PCDHGA2: variants seen among roughly 807,000 people sequenced by gnomAD.
PCDHGA2 encodes protocadherin gamma subfamily A, 2.
In PCDHGA2, 40 loss-of-function variants were observed where a neutral mutation model predicts 59.2. The ratio of observed to expected loss-of-function variants is 0.68; its 90% CI spans 0.52 to 0.88. The LOEUF is 0.88. PCDHGA2 is among the 40% of genes least tolerant of loss of function. The pLI, the probability that PCDHGA2 is intolerant of heterozygous loss-of-function variation, is 0.00. For synonymous variants in PCDHGA2, 560 were observed against 526.0 expected (o/e 1.06, Z -0.89); for missense variants, 1,226 against 1,204.0 (o/e 1.02, Z -0.27).
chr5:141,427,139 T>C (rs1430333586), intron 1 of PCDHGA2: 2 of 456,952 alleles, frequency 4.4e-6, no homozygotes, highest in East Asian at 1.4e-4. Context: ...TACGAGATGA[T>C]ATTGGAAATA....
Position 141,338,926 on chromosome 5 carries a change from A to G in PCDHGA2, c.-46A>G, listed in dbSNP as rs1383846472. On this transcript the variant is annotated 5_prime_UTR_variant, in exon 1 of 4. Coordinates refer to ENST00000394576, the MANE Select transcript of PCDHGA2 (RefSeq NM_018915.4). The stretch of plus-strand genomic sequence containing the variant: ...CTGAGGAATAAAGATTGGAATCCGC[A>G]CTGGATGCTGGAAGTTGACTCGGAG... 2.0e-6 allele frequency: 3 copies of G among 1,519,686 alleles called. No homozygotes were observed. Among genetic ancestry groups the G allele is most frequent in the African/African-American group, 2.8e-5 (2 of 71,804 alleles). 94.1% of individuals were successfully genotyped at this position (1,519,686 alleles called of 1,614,324 possible).
intron 1 of PCDHGA2, chr5:141,399,809 C>A (rs547922730): frequency 1.2e-6 from 2 of 1,613,222 alleles, no homozygotes; most frequent in Admixed American, 1.7e-5. Flanking sequence ...GTGCTGTACC[C>A]CGCGCTGGGT....
rs376494807 is a variant in PCDHGA2 at position 141,491,836 on chromosome 5, G to A, written c.2425-2971G>A. 4.2e-5 allele frequency: 62 copies of A among 1,472,880 alleles called. No homozygotes were observed. The highest frequency in any genetic ancestry group is 3.6e-4 in the Middle Eastern group (2 of 5,606). 91.2% of individuals were successfully genotyped at this position (1,472,880 alleles called of 1,614,324 possible). A position where few individuals can be genotyped will look rare whatever the true frequency, so the allele number is the denominator to read the frequency against. On this transcript the variant is annotated intron_variant, in intron 1 of 3. Coordinates refer to ENST00000394576, the MANE Select transcript of PCDHGA2 (RefSeq NM_018915.4). This position sits in a 1 kb window ranked among gnomAD's most constrained non-coding sequence, Gnocchi z 6.9. ...CTGGCTGCGCTCCACCCGATTCTCG[G>A]GATCATTGGACCGTTTGCGCGAAAC...
intron 1 of PCDHGA2, chr5:141,343,756 G>A (rs1177741741): frequency 5.6e-6 from 2 of 354,372 alleles, no homozygotes; most frequent in African/African-American, 2.1e-5. Flanking sequence ...CTGAGAGGAT[G>A]CAGTAAACGG....
At chr5:141,434,698 A>G (rs2097710714) in intron 1 of PCDHGA2, among the ~76,000 whole-genome samples, 1 of 152,070 alleles carries the variant, frequency 6.6e-6, no homozygotes, top group South Asian at 2.1e-4. Context: ...GTTAATAAAT[A>G]TGTGGGTAAA....
At chr5:141,423,034 G>A (rs769232324) in intron 1 of PCDHGA2, 1 of 1,614,200 alleles carries the variant, frequency 6.2e-7, no homozygotes, top group Non-Finnish European at 8.5e-7. Context: ...AGGCCAGAAC[G>A]CCTGGCTGTC....
chr5:141,508,599 G>T lies in PCDHGA2; in HGVS notation c.2573-2348G>T, dbSNP rs948748985. On this transcript the variant is annotated intron_variant, in intron 3 of 3. Coordinates refer to ENST00000394576, the MANE Select transcript of PCDHGA2 (RefSeq NM_018915.4). ...CTCGGGGTGCTACTCAGAGATCTTGGGTGCACATAGGACGTGGGTGGGCCG... is the reference window on the plus strand; with the variant it reads ...CTCGGGGTGCTACTCAGAGATCTTGTGTGCACATAGGACGTGGGTGGGCCG... Among the ~76,000 whole-genome samples the T allele has an allele frequency of 3.9e-5, 6 of 152,212 alleles. No individual in the cohort carries two copies. The South Asian group carries it at 1.2e-3, about 32-fold the overall frequency.
At chr5:141,435,103 G>A (rs1468698388) in intron 1 of PCDHGA2, among the ~76,000 whole-genome samples, 2 of 151,914 alleles carry the variant, frequency 1.3e-5, no homozygotes, top group African/African-American at 2.4e-5. Flanking sequence ...TTTATCTAGG[G>A]GGGAGAAATC....
rs1554123924 is a variant in PCDHGA2, at chr5:141,431,826, T to C, written c.2425-62981T>C. 1 of 1,614,220 alleles carries C rather than the reference T, an allele frequency of 6.2e-7. No homozygotes were observed. The highest frequency in any genetic ancestry group is 8.5e-7 in the Non-Finnish European group (1 of 1,180,050). The stretch of plus-strand genomic sequence containing the variant: ...GTCCTCACCTCTCTCGCCAGCTCGG[T>C]TCCCGAAAACTCTCCCAGAGGGACA... On this transcript the variant is annotated intron_variant, in intron 1 of 3. Coordinates refer to ENST00000394576, the MANE Select transcript of PCDHGA2 (RefSeq NM_018915.4). This position sits in a 1 kb window ranked among gnomAD's most constrained non-coding sequence, Gnocchi z 4.8.
rs757755103 is a variant in PCDHGA2 at position 141,432,638 on chromosome 5, C to T, written c.2425-62169C>T. 1.2e-6 allele frequency: 2 copies of T among 1,613,810 alleles called. No homozygotes were observed. Among genetic ancestry groups the T allele is most frequent in the Non-Finnish European group, 8.5e-7 (1 of 1,179,930 alleles). ...GGTGGGTCTGCACACGGGCGAGGTG[C>T]GCACGGCGCGAGCCCTGCTGGACAG... is the stretch of plus-strand genomic sequence containing the variant. On this transcript the variant is annotated intron_variant, in intron 1 of 3. Transcript: ENST00000394576. The surrounding 1 kb of genome is among the most constrained non-coding windows in gnomAD (Gnocchi z 6.0).
chr5:141,370,484 C>T (rs750551260), intron 1 of PCDHGA2: 2 of 1,613,746 alleles, frequency 1.2e-6, no homozygotes, highest in African/African-American at 2.7e-5. Flanking sequence ...AGGCTCTCTC[C>T]GAACCGATCC....
At chr5:141,374,754 G>C (rs1770811216) in intron 1 of PCDHGA2, 6 of 1,612,936 alleles carry the variant, frequency 3.7e-6, no homozygotes, top group Non-Finnish European at 4.2e-6. Context: ...GTCCGCTCAA[G>C]CGTCGCCCAA....
intron 1 of PCDHGA2, among the ~76,000 whole-genome samples, chr5:141,484,023 G>A (rs67828357): frequency 0.059 from 8,857 of 150,044 alleles, 313 homozygotes; most frequent in South Asian, 0.11. Context: ...GGTGGGGTGA[G>A]ATCAAGTCTC....
In PCDHGA2 at chr5:141,485,849, G is replaced by A. The variant is rs777288674; in HGVS notation, c.2425-8958G>A. ...AGGGAACCCGCCGAGATCTGGCACC[G>A]CAGAGCTCCGGGTATCCGTGCTGGA... On this transcript the variant is annotated intron_variant, in intron 1 of 3. Transcript: ENST00000394576. The surrounding 1 kb of genome is among the most constrained non-coding windows in gnomAD (Gnocchi z 5.7). 3 of 1,614,130 alleles carry A rather than the reference G, an allele frequency of 1.9e-6. No individual in the cohort carries two copies. In the South Asian group the frequency reaches 3.3e-5, roughly 18 times the overall value.
chr5:141,497,492 C>G (rs954582026), intron 2 of PCDHGA2, among the ~76,000 whole-genome samples: 1 of 151,628 alleles, frequency 6.6e-6, no homozygotes, highest in Non-Finnish European at 1.5e-5. Flanking sequence ...ACCTCTCTCT[C>G]TCTCCTCTCT....
At position 141,511,563 on chromosome 5, in the gene PCDHGA2, C is replaced by T. The variant is rs911782127; in HGVS notation, c.*390C>T. ...CCCCACTCCAACAGTTCCTCTTTCCCGAGTAAGGTGGTTGGGGTGTTGAAG... is the reference window on the plus strand; with the variant it reads ...CCCCACTCCAACAGTTCCTCTTTCCTGAGTAAGGTGGTTGGGGTGTTGAAG... On this transcript the variant is annotated 3_prime_UTR_variant, in exon 4 of 4. Coordinates refer to ENST00000394576, the MANE Select transcript of PCDHGA2 (RefSeq NM_018915.4). The T allele has an allele frequency of 7.8e-5, 23 of 295,048 alleles. No homozygotes were observed. The highest frequency in any genetic ancestry group is 3.4e-4 in the African/African-American group (16 of 46,532). The allele number at this position is 295,048 out of a possible 1,614,324, so 18.3% of individuals were successfully genotyped here. A position where few individuals can be genotyped will look rare whatever the true frequency, so the allele number is the denominator to read the frequency against.
At chr5:141,410,006 G>A (rs1201569227) in intron 1 of PCDHGA2, 8 of 1,613,156 alleles carry the variant, frequency 5.0e-6, no homozygotes, top group Non-Finnish European at 5.9e-6. Context: ...GGGACACAAC[G>A]CCTGGCTGTC....
intron 1 of PCDHGA2, chr5:141,371,395 A>G (rs746973366): frequency 5.0e-6 from 8 of 1,614,026 alleles, no homozygotes; most frequent in Non-Finnish European, 5.9e-6. Flanking sequence ...TGTAAAGTAC[A>G]GATAGATATT....
chr5:141,503,024 A>G (rs574653661), intron 2 of PCDHGA2, among the ~76,000 whole-genome samples: 2 of 150,210 alleles, frequency 1.3e-5, no homozygotes, highest in South Asian at 2.1e-4. Context: ...TTTTTTTTTA[A>G]TATCTATTTT....
Sources: allele counts gnomAD v4.1 joint callset (sites outside exome capture counted in the v4.1 genomes callset), GRCh38; gene constraint gnomAD v4.1.1; non-coding constraint Gnocchi (gnomAD v3.1); transcripts MANE v1.5; gene names NCBI Gene and HGNC (gene_info 2026-07-23, HGNC 2026-07-21).